NALCN: variants seen among roughly 807,000 people sequenced by gnomAD.
The protein encoded by NALCN is sodium leak channel, non-selective, also known as sodium leak channel NALCN.
Under a neutral mutation model 225.3 loss-of-function variants are expected in NALCN, and 111 were observed. The observed-to-expected ratio is 0.49, with a 90% CI of 0.42 to 0.58. The LOEUF (loss-of-function observed/expected upper bound fraction) is 0.58, where lower values mean the gene tolerates loss of function less well. Ranked by LOEUF, NALCN falls within the 20% of genes least tolerant of loss-of-function variation. The pLI, the probability that NALCN is intolerant of heterozygous loss-of-function variation, is 0.00. For synonymous variants in NALCN, 764 were observed against 769.0 expected (o/e 0.99, Z 0.11); for missense variants, 1,378 against 2,202.4 (o/e 0.63, Z 7.49).
intron 10 of NALCN, among the ~76,000 whole-genome samples, chr13:101,273,622 A>G (rs750377781): frequency 2.6e-5 from 4 of 152,218 alleles, no homozygotes; most frequent in Non-Finnish European, 4.4e-5. Context: ...AACATCACTT[A>G]GAAAAATCAA....
At chr13:101,322,995 G>A (rs1281784774) in intron 7 of NALCN, among the ~76,000 whole-genome samples, 1 of 152,104 alleles carries the variant, frequency 6.6e-6, no homozygotes, top group African/African-American at 2.4e-5. Flanking sequence ...TTACAGGTGT[G>A]AGCCACTGCG....
At chr13:101,189,219 T>C (rs1318222359) in intron 14 of NALCN, among the ~76,000 whole-genome samples, 2 of 152,142 alleles carry the variant, frequency 1.3e-5, no homozygotes. Context: ...GGAAAATGAA[T>C]TTATATTAAA....
At chr13:101,376,582 G>C (rs549902465) in intron 6 of NALCN, 118 bp downstream of exon 6, 165 of 970,636 alleles carry the variant, frequency 1.7e-4, no homozygotes, top group Non-Finnish European at 2.4e-4. Context: ...CAGAGACACA[G>C]AACAAAGAGG....
chr13:101,278,775 C>T (rs1171101354), intron 10 of NALCN, among the ~76,000 whole-genome samples: 1 of 152,168 alleles, frequency 6.6e-6, no homozygotes, highest in Non-Finnish European at 1.5e-5. Context: ...GAGGCACTTT[C>T]TGGAAGCAAA....
chr13:101,167,174 A>G (rs1002088737), intron 15 of NALCN, among the ~76,000 whole-genome samples: 5 of 152,292 alleles, frequency 3.3e-5, no homozygotes, highest in African/African-American at 9.6e-5. Context: ...GTTCTTTTTC[A>G]GAATTGTTTT....
At chr13:101,310,252 G>A (rs2044293124) in intron 7 of NALCN, among the ~76,000 whole-genome samples, 1 of 152,150 alleles carries the variant, frequency 6.6e-6, no homozygotes, top group Admixed American at 6.5e-5. Context: ...CATTTAAAAG[G>A]AATAGCCAAG....
chr13:101,136,654 A>G (rs959171362), intron 17 of NALCN, among the ~76,000 whole-genome samples: 16 of 152,212 alleles, frequency 1.1e-4, no homozygotes, highest in Non-Finnish European at 1.3e-4. Flanking sequence ...TTATGACTGC[A>G]TAGTATTCCA....
At chr13:101,209,372 TTGTC>T (rs953023308) in intron 13 of NALCN, among the ~76,000 whole-genome samples, 1 of 152,204 alleles carries the variant, frequency 6.6e-6, no homozygotes, top group Non-Finnish European at 1.5e-5. Flanking sequence ...ATAAACATGT[TTGTC>T]TATCAAAGTG....
rs182422804 is a variant in NALCN at position 101,366,140 on chromosome 13, T to A, written c.644+10560A>T. 1.2e-3 allele frequency among the ~76,000 whole-genome samples: 178 copies of A among 152,280 alleles called. 2 individuals are homozygous for A. The highest frequency in any genetic ancestry group is 4.0e-3 in the African/African-American group (168 of 41,568). On this transcript the variant is annotated intron_variant, in intron 6 of 43. Transcript: ENST00000251127. ...TTTCTGCTACAAGCCATTGCTCTCCTCAACTTTCTTTAGGAAATGAGCTGC... is the reference window on the plus strand; with the variant it reads ...TTTCTGCTACAAGCCATTGCTCTCCACAACTTTCTTTAGGAAATGAGCTGC...
chr13:101,068,868 G>A (rs376552563), intron 37 of NALCN, 41 bp from the exon 38 acceptor site: 1 of 1,531,402 alleles, frequency 6.5e-7, no homozygotes, highest in Non-Finnish European at 8.8e-7. Flanking sequence ...GATAAGAGTA[G>A]AGAATACAAA....
chr13:101,141,127 A>G (rs2037057081), intron 17 of NALCN, among the ~76,000 whole-genome samples: 2 of 152,168 alleles, frequency 1.3e-5, no homozygotes, highest in South Asian at 2.1e-4. Flanking sequence ...AAATAGAGAG[A>G]TGGCAATCCC....
intron 18 of NALCN, among the ~76,000 whole-genome samples, chr13:101,114,242 T>C (rs1479663831): frequency 6.6e-6 from 1 of 152,176 alleles, no homozygotes; most frequent in African/African-American, 2.4e-5. Context: ...ATATGTAAAA[T>C]GCAGAGAACA....
rs9300650 is a variant in NALCN at position 101,119,396 on chromosome 13, C to T, written c.2192+5212G>A. ...TATAAGTGCATGGCAAAGAAAGTTA[C>T]GTTATAAAACCAAATGTCAGAATGC... On this transcript the variant is annotated intron_variant, in intron 18 of 43. Coordinates refer to ENST00000251127, the MANE Select transcript of NALCN (RefSeq NM_052867.4). Among the ~76,000 whole-genome samples the T allele has an allele frequency of 6.3e-3, 954 of 152,224 alleles. 5 individuals are homozygous for T. The highest frequency in any genetic ancestry group is 0.022 in the African/African-American group (908 of 41,542).
chr13:101,256,922 C>A (rs974925200), intron 11 of NALCN, among the ~76,000 whole-genome samples: 14 of 152,046 alleles, frequency 9.2e-5, no homozygotes, highest in Non-Finnish European at 1.9e-4. Flanking sequence ...CGACACTACA[C>A]CCAGCTAATT....
chr13:101,116,847 T>C, intron 18 of NALCN: 2 of 436,738 alleles, frequency 4.6e-6, no homozygotes, highest in Non-Finnish European at 9.2e-6. Context: ...AGTCTTTCAG[T>C]GGTAATTATG....
In NALCN at chr13:101,089,789, T is replaced by C; in HGVS notation, c.3391-28A>G. ...GCATAAAGGAAAATATGGTTATTCA[T>C]CAAAACAAATGAAAGCTGCTCTTGA... On this transcript the variant is annotated intron_variant, in intron 29 of 43. Transcript: ENST00000251127. The surrounding 1 kb of genome is among the most constrained non-coding windows in gnomAD (Gnocchi z 4.7). The C allele has an allele frequency of 1.2e-6, 2 of 1,613,860 alleles. No individual in the cohort carries two copies. The highest frequency in any genetic ancestry group is 2.2e-5 in the East Asian group (1 of 44,870).
At chr13:101,063,903 G>A (rs1386330430) in intron 40 of NALCN, among the ~76,000 whole-genome samples, 4 of 152,264 alleles carry the variant, frequency 2.6e-5, no homozygotes, top group East Asian at 1.9e-4. Context: ...TGTGGCAGTG[G>A]AGCTTATGGG....
At chr13:101,322,017 A>C (rs1441028771) in intron 7 of NALCN, among the ~76,000 whole-genome samples, 2 of 152,232 alleles carry the variant, frequency 1.3e-5, no homozygotes, top group Non-Finnish European at 2.9e-5. Flanking sequence ...TTTACTTTAC[A>C]AGTCAAACAT....
At chr13:101,238,239 G>C (rs746423592) in intron 11 of NALCN, among the ~76,000 whole-genome samples, 3 of 151,562 alleles carry the variant, frequency 2.0e-5, no homozygotes, top group Non-Finnish European at 4.4e-5. Context: ...TACACAAAAG[G>C]CTGAATTTTT....
Sources: gnomAD v4.1 joint callset for allele counts (sites outside exome capture counted in the v4.1 genomes callset) on GRCh38, gnomAD v4.1.1 for gene constraint, Gnocchi (gnomAD v3.1) non-coding constraint, MANE v1.5 for transcripts, NCBI Gene and HGNC (gene_info 2026-07-23, HGNC 2026-07-21) for gene names.